TAFA1: variants seen among roughly 807,000 people sequenced by gnomAD.
TAFA1 encodes chemokine-like protein TAFA-1.
Under a neutral mutation model 18.5 loss-of-function variants are expected in TAFA1, and 4 were observed. The observed-to-expected ratio is 0.22, with a 90% confidence interval of 0.11 to 0.49. TAFA1 has a LOEUF of 0.49. Among genes scored for constraint, TAFA1 ranks in the 20% least tolerant of loss-of-function variants. TAFA1 has a pLI of 0.98. For synonymous variants in TAFA1, 56 were observed against 55.2 expected, an observed-to-expected ratio of 1.01 and a Z score of -0.06; for missense variants, 147 against 169.0, an observed-to-expected ratio of 0.87 and a Z score of 0.72.
chr3:68,080,770 T>C (rs544229961), intron 2 of TAFA1, among the ~76,000 whole-genome samples: 14 of 152,318 alleles, frequency 9.2e-5, no homozygotes, highest in African/African-American at 2.2e-4. Flanking sequence ...TCAACTTTGG[T>C]GAATCTGACA....
At chr3:68,448,345 T>C (rs2106887659) in intron 3 of TAFA1, among the ~76,000 whole-genome samples, 1 of 152,336 alleles carries the variant, frequency 6.6e-6, no homozygotes, top group South Asian at 2.1e-4. Context: ...GACAGTAATA[T>C]GCATACTTCT....
At chr3:68,101,132 G>T (rs2065142513) in intron 2 of TAFA1, among the ~76,000 whole-genome samples, 1 of 152,064 alleles carries the variant, frequency 6.6e-6, no homozygotes, top group Non-Finnish European at 1.5e-5. Flanking sequence ...GTACCCATTA[G>T]TTATTTTTCC....
At chr3:67,999,912 C>T (rs1704266410), upstream of TAFA1, among the ~76,000 whole-genome samples, 2 of 151,904 alleles carry the variant, frequency 1.3e-5, no homozygotes, top group South Asian at 2.1e-4. Flanking sequence ...TTTCAGCCTC[C>T]TGAGTAGTTG....
intron 2 of TAFA1, among the ~76,000 whole-genome samples, chr3:68,381,135 GT>G (rs1381242108): frequency 1.7e-5 from 2 of 120,870 alleles, no homozygotes; most frequent in East Asian, 2.6e-4. Flanking sequence ...CTATATCTCT[GT>G]TTTGGTACCA....
Position 68,389,566 on chromosome 3 carries a change from C to T in TAFA1, c.119-27714C>T, listed in dbSNP as rs1023775035. On this transcript the variant is annotated intron_variant, in intron 2 of 4. Coordinates refer to ENST00000478136, the MANE Select transcript of TAFA1 (RefSeq NM_213609.4). Reference sequence around the variant, plus strand: ...TAAAAAGTATCTATTGGTTGATTCCCGGGCAAGATGGCCAAATAGGAACAG... The same window carrying T: ...TAAAAAGTATCTATTGGTTGATTCCTGGGCAAGATGGCCAAATAGGAACAG... Among the ~76,000 whole-genome samples the T allele has an allele frequency of 3.3e-5, 5 of 152,160 alleles. No individual in the cohort carries two copies. In the South Asian group the frequency reaches 6.2e-4, roughly 19 times the overall value.
chr3:68,353,602 G>C lies in TAFA1; in HGVS notation c.119-63678G>C, dbSNP rs1200176797. 2.0e-5 allele frequency among the ~76,000 whole-genome samples: 3 copies of C among 152,120 alleles called. No individual in the cohort carries two copies. In the East Asian group the frequency reaches 5.8e-4, roughly 30 times the overall value. ...TCTGGCTGTTCATGCAACAATGGCT[G>C]CAGGGAAGTAGGGAACAATAGAAGG... On this transcript the variant is annotated intron_variant, in intron 2 of 4. Transcript: ENST00000478136.
intron 2 of TAFA1, among the ~76,000 whole-genome samples, chr3:68,011,714 G>A (rs974017328): frequency 2.0e-5 from 3 of 152,126 alleles, no homozygotes; most frequent in East Asian, 1.9e-4. Context: ...TAAATATAGC[G>A]AATTGGCCTA....
intron 2 of TAFA1, among the ~76,000 whole-genome samples, chr3:68,069,399 A>G (rs967323459): frequency 6.6e-6 from 1 of 152,180 alleles, no homozygotes; most frequent in Non-Finnish European, 1.5e-5. Context: ...TACTATCATG[A>G]GAACAGCATG....
At chr3:68,269,715 A>T (rs978178648) in intron 2 of TAFA1, among the ~76,000 whole-genome samples, 8 of 152,198 alleles carry the variant, frequency 5.3e-5, no homozygotes, top group Non-Finnish European at 1.0e-4. Flanking sequence ...AGAGGCCAGG[A>T]GTTTGAGACC....
intron 2 of TAFA1, among the ~76,000 whole-genome samples, chr3:68,136,372 C>G (rs879695379): frequency 6.6e-6 from 1 of 152,152 alleles, no homozygotes; most frequent in Non-Finnish European, 1.5e-5. Context: ...AATAGTCAGG[C>G]TGAAGCTCTG....
intron 3 of TAFA1, among the ~76,000 whole-genome samples, chr3:68,513,248 TGC>T (rs1232585927): frequency 6.6e-6 from 1 of 152,090 alleles, no homozygotes; most frequent in Non-Finnish European, 1.5e-5. Flanking sequence ...AGTGAGTTTG[TGC>T]CAAGTGATGG....
intron 2 of TAFA1, among the ~76,000 whole-genome samples, chr3:68,412,421 C>A (rs1405078253): frequency 6.6e-6 from 1 of 151,850 alleles, no homozygotes; most frequent in Non-Finnish European, 1.5e-5. Flanking sequence ...TATATGTGCA[C>A]AACGTGCAGG....
At chr3:68,120,189 CTTTCTT>C (rs1559527542) in intron 2 of TAFA1, among the ~76,000 whole-genome samples, 2 of 37,592 alleles carry the variant, frequency 5.3e-5, no homozygotes, top group East Asian at 5.7e-4. Context: ...TTCTTTCTTT[CTTTCTT>C]TCTTTCTTTC....
chr3:68,454,952 A>T (rs952179004), intron 3 of TAFA1, among the ~76,000 whole-genome samples: 157 of 152,138 alleles, frequency 1.0e-3, no homozygotes, highest in African/African-American at 3.6e-3. Flanking sequence ...TCCATCTATA[A>T]CTTTTGACTC....
At chr3:68,064,227 G>A (rs2064643944) in intron 2 of TAFA1, among the ~76,000 whole-genome samples, 1 of 152,146 alleles carries the variant, frequency 6.6e-6, no homozygotes, top group Non-Finnish European at 1.5e-5. Context: ...CAGCTGGGAG[G>A]ACATTTTCTC....
intron 2 of TAFA1, among the ~76,000 whole-genome samples, chr3:68,065,722 G>T (rs928076845): frequency 5.0e-5 from 4 of 80,300 alleles, no homozygotes; most frequent in African/African-American, 2.2e-4. Flanking sequence ...ATAGATGTTT[G>T]TGTGTATGTG....
intron 2 of TAFA1, among the ~76,000 whole-genome samples, chr3:68,168,166 C>T (rs2066008714): frequency 9.7e-6 from 1 of 103,470 alleles, no homozygotes. Flanking sequence ...AAAAAGAAGG[C>T]TTGATTTGTT....
intron 3 of TAFA1, among the ~76,000 whole-genome samples, chr3:68,506,082 C>T (rs920588299): frequency 6.6e-6 from 1 of 151,930 alleles, no homozygotes; most frequent in African/African-American, 2.4e-5. Context: ...ATGTTCCCCC[C>T]TCTGTGTCCA....
intron 2 of TAFA1, among the ~76,000 whole-genome samples, chr3:68,183,718 A>G (rs2066234861): frequency 6.6e-6 from 1 of 152,140 alleles, no homozygotes; most frequent in Non-Finnish European, 1.5e-5. Context: ...TTTCCAACCC[A>G]CTTTGGTAAT....
Sources: allele counts gnomAD v4.1 joint callset (sites outside exome capture counted in the v4.1 genomes callset), GRCh38; gene constraint gnomAD v4.1.1; transcripts MANE v1.5; gene names NCBI Gene and HGNC (gene_info 2026-07-23, HGNC 2026-07-21).